The following BMPR1B variants were observed in gnomAD, a reference collection of about 807,000 sequenced individuals.
The protein encoded by BMPR1B is bone morphogenetic protein receptor type 1B.
A neutral mutation model predicts 59.1 loss-of-function variants in BMPR1B; 12 were observed. That is an observed-to-expected ratio of 0.20 (90% CI 0.13 to 0.33). The LOEUF is 0.33. Ranked by LOEUF, BMPR1B falls within the 10% of genes least tolerant of loss-of-function variation. BMPR1B has a pLI of 1.00. For synonymous variants in BMPR1B, 237 were observed against 207.3 expected (o/e 1.14, Z -1.23); for missense variants, 550 against 610.9 (o/e 0.90, Z 1.05).
chr4:95,127,873 T>C (rs1475713986), intron 8 of BMPR1B, among the ~76,000 whole-genome samples: 1 of 151,820 alleles, frequency 6.6e-6, no homozygotes, highest in East Asian at 1.9e-4. Flanking sequence ...AAAATGTTCA[T>C]GCCCTAATCC....
At chr4:95,150,684 C>G (rs1734976076) in intron 11 of BMPR1B, among the ~76,000 whole-genome samples, 2 of 152,158 alleles carry the variant, frequency 1.3e-5, no homozygotes, top group South Asian at 4.1e-4. Flanking sequence ...TTTATATAAA[C>G]AGCAGGGTAT....
chr4:95,152,625 G>A lies in BMPR1B; in HGVS notation c.1253-18G>A, dbSNP rs1449549736. The stretch of plus-strand genomic sequence containing the variant: ...GAAAATAATAATAATAATAATAATA[G>A]TAACAACATATTTTTAGGTATAGTG... On this transcript the variant is annotated intron_variant, in intron 11 of 12. Transcript: ENST00000515059. The A allele has an allele frequency of 8.0e-6, 12 of 1,508,094 alleles. No individual in the cohort carries two copies. In the East Asian group the frequency reaches 1.2e-4, roughly 16 times the overall value. The allele number at this position is 1,508,094 out of a possible 1,614,324, so 93.4% of individuals were successfully genotyped here. A position where few individuals can be genotyped will look rare whatever the true frequency, so the allele number is the denominator to read the frequency against.
At position 94,896,086 on chromosome 4, in the gene BMPR1B, C is replaced by T. The variant is rs539489382; in HGVS notation, c.-113+20186C>T. Among the ~76,000 whole-genome samples, 6 of 152,066 alleles carry T rather than the reference C, an allele frequency of 3.9e-5. No homozygotes were observed. In the South Asian group the frequency reaches 8.3e-4, roughly 21 times the overall value. On this transcript the variant is annotated intron_variant, in intron 2 of 12. Coordinates refer to ENST00000515059, the MANE Select transcript of BMPR1B (RefSeq NM_001203.3). ...TACAGATTTATTTTTCGTTCAATGA[C>T]GTACTCCTAGTTAAAAGCTCTTTTG... is the stretch of plus-strand genomic sequence containing the variant.
chr4:94,913,783 T>C (rs1413366521), intron 2 of BMPR1B, among the ~76,000 whole-genome samples: 1 of 152,168 alleles, frequency 6.6e-6, no homozygotes, highest in Non-Finnish European at 1.5e-5. Context: ...AATTGAACTT[T>C]TGTGATGGTG....
At chr4:94,995,191 G>A (rs1578896890) in intron 2 of BMPR1B, among the ~76,000 whole-genome samples, 1 of 151,872 alleles carries the variant, frequency 6.6e-6, no homozygotes, top group Admixed American at 6.6e-5. Flanking sequence ...GTCATGGCTT[G>A]GAATCTATCC....
At chr4:95,133,771 A>G (rs1240216886) in intron 10 of BMPR1B, among the ~76,000 whole-genome samples, 3 of 149,220 alleles carry the variant, frequency 2.0e-5, no homozygotes, top group African/African-American at 2.5e-5. Flanking sequence ...GGATCTCACT[A>G]TGTTGCCAGG....
chr4:94,832,088 G>A (rs1404985900), intron 1 of BMPR1B, among the ~76,000 whole-genome samples: 1 of 149,458 alleles, frequency 6.7e-6, no homozygotes, highest in East Asian at 1.9e-4. Flanking sequence ...CACAATAAAT[G>A]TAATACACTT....
At chr4:94,871,478 GT>G (rs1296848836) in intron 1 of BMPR1B, among the ~76,000 whole-genome samples, 3 of 152,130 alleles carry the variant, frequency 2.0e-5, no homozygotes, top group Non-Finnish European at 4.4e-5. Context: ...AAGTACTCAT[GT>G]TATTCTTTAA....
chr4:94,835,820 AC>A (rs1724786442), intron 1 of BMPR1B, among the ~76,000 whole-genome samples: 2 of 151,870 alleles, frequency 1.3e-5, no homozygotes, highest in African/African-American at 4.8e-5. Context: ...CAGGTTAGTT[AC>A]ATATGTATAC....
intron 2 of BMPR1B, among the ~76,000 whole-genome samples, chr4:94,957,333 G>GTTTTTTTTTTTT (rs56341742): frequency 3.0e-5 from 2 of 65,638 alleles, no homozygotes; most frequent in Middle Eastern, 0.014. Flanking sequence ...CCTGTTTCGT[G>GTTTTTTTTTTTT]TTTTTTTTTT....
At chr4:95,149,174 T>C (rs1255100446) in intron 11 of BMPR1B, among the ~76,000 whole-genome samples, 1 of 152,202 alleles carries the variant, frequency 6.6e-6, no homozygotes, top group Non-Finnish European at 1.5e-5. Flanking sequence ...CATCACTGTT[T>C]TCTGCTCTGT....
intron 1 of BMPR1B, among the ~76,000 whole-genome samples, chr4:94,831,253 G>A (rs116710086): frequency 0.13 from 18,176 of 141,830 alleles, 1,199 homozygotes; most frequent in Non-Finnish European, 0.14. Flanking sequence ...AAAAAAAAAC[G>A]TAGAAGAAAG....
intron 1 of BMPR1B, among the ~76,000 whole-genome samples, chr4:94,834,599 C>T (rs1031019129): frequency 4.6e-5 from 7 of 152,022 alleles, no homozygotes; most frequent in Non-Finnish European, 8.8e-5. Flanking sequence ...GATATTAAAC[C>T]CATTCAAAGA....
chr4:94,852,404 A>G (rs1725602445), intron 1 of BMPR1B, among the ~76,000 whole-genome samples: 1 of 152,176 alleles, frequency 6.6e-6, no homozygotes, highest in African/African-American at 2.4e-5. Context: ...AAATTTTAGC[A>G]TATAATTAAC....
intron 1 of BMPR1B, among the ~76,000 whole-genome samples, chr4:94,762,325 A>G (rs572220003): frequency 6.6e-6 from 1 of 152,324 alleles, no homozygotes; most frequent in African/African-American, 2.4e-5. Flanking sequence ...ATTATTTCCA[A>G]TAGTGAAATT....
chr4:95,093,134 G>A (rs1469336), intron 3 of BMPR1B, among the ~76,000 whole-genome samples: 143,254 of 152,164 alleles, frequency 0.94, 67,507 homozygotes, highest in Middle Eastern at 0.99. Flanking sequence ...ATGCTATTTT[G>A]TGACAGTGGC....
chr4:95,061,212 A>ACACACACACAC (rs1560624940), intron 3 of BMPR1B, among the ~76,000 whole-genome samples: 28 of 131,770 alleles, frequency 2.1e-4, no homozygotes, highest in Non-Finnish European at 3.5e-4. Flanking sequence ...CACACACACC[A>ACACACACACAC]CACACCCCTC....
chr4:94,842,260 G>C (rs895780681), intron 1 of BMPR1B, among the ~76,000 whole-genome samples: 1 of 152,060 alleles, frequency 6.6e-6, no homozygotes, highest in African/African-American at 2.4e-5. Context: ...TTTAAATGGT[G>C]ACTTCAAATA....
Position 94,926,349 on chromosome 4 carries a change from AT to A in BMPR1B, c.-113+50452del, listed in dbSNP as rs1283820333. Among the ~76,000 whole-genome samples, 8 of 152,122 alleles carry A rather than the reference AT, an allele frequency of 5.3e-5. No homozygotes were observed. The East Asian group carries it at 9.7e-4, about 18-fold the overall frequency. On this transcript the variant is annotated intron_variant, in intron 2 of 12. Coordinates refer to ENST00000515059, the MANE Select transcript of BMPR1B (RefSeq NM_001203.3). ...CCGTAAAGACCAATTACATGATTAT[AT>A]TTAGGCCTTAGATGGCTCTAATATG...
Sources: gnomAD v4.1 joint callset for allele counts (sites outside exome capture counted in the v4.1 genomes callset) on GRCh38, gnomAD v4.1.1 for gene constraint, MANE v1.5 for transcripts, NCBI Gene and HGNC (gene_info 2026-07-23, HGNC 2026-07-21) for gene names.